The following ATP2B2 variants were observed in gnomAD, a reference collection of about 807,000 sequenced individuals.
ATP2B2 encodes plasma membrane calcium-transporting ATPase 2.
Under a neutral mutation model 120.0 loss-of-function variants are expected in ATP2B2, and 15 were observed. That is an observed-to-expected ratio of 0.12 (90% CI 0.08 to 0.19). The LOEUF is 0.19. ATP2B2 is among the 10% of genes least tolerant of loss of function. ATP2B2 has a pLI of 1.00. For synonymous variants in ATP2B2, 694 were observed against 700.3 expected, an observed-to-expected ratio of 0.99 and a Z score of 0.14; for missense variants, 1,045 against 1,719.8, an observed-to-expected ratio of 0.61 and a Z score of 6.94.
intron 2 of ATP2B2, among the ~76,000 whole-genome samples, chr3:10,560,238 C>A (rs1007848676): frequency 6.6e-6 from 1 of 152,140 alleles, no homozygotes; most frequent in African/African-American, 2.4e-5. Flanking sequence ...CAGGCCAGGG[C>A]GGGAAACCTC....
chr3:10,597,063 CCACACA>C (rs58466640), intron 2 of ATP2B2, among the ~76,000 whole-genome samples: 35 of 142,946 alleles, frequency 2.4e-4, no homozygotes, highest in Middle Eastern at 3.8e-3. Context: ...ACACACAGGG[CCACACA>C]CACACACACA....
chr3:10,560,525 C>T (rs1193133144), intron 2 of ATP2B2, among the ~76,000 whole-genome samples: 1 of 152,204 alleles, frequency 6.6e-6, no homozygotes, highest in Non-Finnish European at 1.5e-5. Flanking sequence ...CTCCCTCAGT[C>T]TTCCCCATCT....
At chr3:10,539,138 T>C (rs2067379224) in intron 2 of ATP2B2, among the ~76,000 whole-genome samples, 1 of 152,074 alleles carries the variant, frequency 6.6e-6, no homozygotes, top group Admixed American at 6.6e-5. Flanking sequence ...TCAAAGAGAA[T>C]AAAATACCTA....
chr3:10,543,962 C>A (rs958738806), intron 2 of ATP2B2, among the ~76,000 whole-genome samples: 2 of 152,188 alleles, frequency 1.3e-5, no homozygotes, highest in African/African-American at 4.8e-5. Flanking sequence ...TGGTCTCCAA[C>A]TTCTGACCTC....
intron 2 of ATP2B2, among the ~76,000 whole-genome samples, chr3:10,421,221 C>T (rs1575178012): frequency 6.6e-6 from 1 of 152,318 alleles, no homozygotes; most frequent in East Asian, 1.9e-4. Context: ...CTTTGAGCCT[C>T]GCCAACAACC....
In ATP2B2 at chr3:10,438,990, C is replaced by T. The variant is rs141815221; in HGVS notation, c.199+10355G>A. Among the ~76,000 whole-genome samples, 294 of 152,298 alleles carry T rather than the reference C, an allele frequency of 1.9e-3. 3 individuals are homozygous for T. The highest frequency in any genetic ancestry group is 6.5e-3 in the African/African-American group (272 of 41,578). ...CCAAATTCTGGTCCCCCGCTAAACC[C>T]GACCTTTGGGAGCCAGCGTGGGAGG... On this transcript the variant is annotated intron_variant, in intron 2 of 22. Transcript: ENST00000360273.
intron 1 of ATP2B2, among the ~76,000 whole-genome samples, chr3:10,634,458 A>G (rs1337226621): frequency 6.6e-6 from 1 of 152,226 alleles, no homozygotes; most frequent in Non-Finnish European, 1.5e-5. Context: ...CTAGGAAAAC[A>G]CAGCTTCCAT....
intron 2 of ATP2B2, among the ~76,000 whole-genome samples, chr3:10,535,604 T>C (rs2067297696): frequency 6.6e-6 from 1 of 152,210 alleles, no homozygotes; most frequent in Admixed American, 6.5e-5. Flanking sequence ...TGATGTTATA[T>C]AAATGGAGTC....
intron 1 of ATP2B2, among the ~76,000 whole-genome samples, chr3:10,682,833 C>T (rs114428360): frequency 6.6e-6 from 1 of 152,310 alleles, no homozygotes; most frequent in East Asian, 1.9e-4. Context: ...ATGATCCCAC[C>T]GGCTTCTGAT....
chr3:10,509,653 C>A (rs1318293241), upstream of ATP2B2, among the ~76,000 whole-genome samples: 2 of 152,228 alleles, frequency 1.3e-5, no homozygotes, highest in African/African-American at 4.8e-5. Context: ...AACTCAGGAT[C>A]TCTAGCCCCA....
intron 1 of ATP2B2, among the ~76,000 whole-genome samples, chr3:10,665,401 C>T (rs571266417): frequency 3.3e-5 from 5 of 152,120 alleles, no homozygotes; most frequent in Non-Finnish European, 7.4e-5. Context: ...TGGGCTGTCC[C>T]TGCTGTCCCT....
At chr3:10,495,162 C>A (rs552591653) in intron 1 of ATP2B2, among the ~76,000 whole-genome samples, 1 of 152,208 alleles carries the variant, frequency 6.6e-6, no homozygotes, top group Non-Finnish European at 1.5e-5. Context: ...AACTTGTCCC[C>A]GTGGGCAGTT....
chr3:10,574,048 C>G (rs2068189033), intron 2 of ATP2B2, among the ~76,000 whole-genome samples: 1 of 152,038 alleles, frequency 6.6e-6, no homozygotes, highest in Admixed American at 6.5e-5. Flanking sequence ...TCCAGAGATT[C>G]TTCTTGTTCT....
chr3:10,468,674 T>C (rs1043775078), intron 1 of ATP2B2, among the ~76,000 whole-genome samples: 1 of 152,262 alleles, frequency 6.6e-6, no homozygotes, highest in Non-Finnish European at 1.5e-5. Context: ...ACAAGTGACC[T>C]GCTTGATACA....
At chr3:10,627,457 G>C (rs2069735895) in intron 1 of ATP2B2, among the ~76,000 whole-genome samples, 1 of 152,216 alleles carries the variant, frequency 6.6e-6, no homozygotes, top group Non-Finnish European at 1.5e-5. Context: ...GGCAGGGGCA[G>C]GAGGGAGAGG....
At chr3:10,630,843 G>A (rs1010085494) in intron 1 of ATP2B2, among the ~76,000 whole-genome samples, 6 of 151,718 alleles carry the variant, frequency 4.0e-5, no homozygotes, top group African/African-American at 9.7e-5. Flanking sequence ...AGTTTGTGGC[G>A]GGGGGGTGGG....
chr3:10,331,831 A>T, intron 22 of ATP2B2: 1 of 643,288 alleles, frequency 1.6e-6, no homozygotes, highest in Non-Finnish European at 2.6e-6. Flanking sequence ...GAACAGGGAG[A>T]CCCATGCCCG....
chr3:10,693,402 C>T (rs956363949), intron 1 of ATP2B2, among the ~76,000 whole-genome samples: 7 of 152,218 alleles, frequency 4.6e-5, no homozygotes, highest in Non-Finnish European at 1.0e-4. Context: ...GACAGGCCTG[C>T]TCTGGTGTGG....
At position 10,491,483 on chromosome 3, in the gene ATP2B2, C is replaced by G. The variant is rs186807395; in HGVS notation, c.-320+13982G>C. Among the ~76,000 whole-genome samples the G allele has an allele frequency of 3.9e-5, 6 of 152,312 alleles. No individual in the cohort carries two copies. The South Asian group carries it at 1.2e-3, about 32-fold the overall frequency. On this transcript the variant is annotated intron_variant, in intron 1 of 22. Transcript: ENST00000360273. ...CCAAGTGATCTGCCCACCTTGGCCT[C>G]CCAATGTGCTGGGATTACAGGCTTG... is the stretch of plus-strand genomic sequence containing the variant.
Sources: allele counts gnomAD v4.1 joint callset (sites outside exome capture counted in the v4.1 genomes callset), GRCh38; gene constraint gnomAD v4.1.1; transcripts MANE v1.5; gene names NCBI Gene and HGNC (gene_info 2026-07-23, HGNC 2026-07-21).